Variants in ALG5 observed in about 807,000 individuals in gnomAD.
The protein encoded by ALG5 is ALG5 dolichyl-phosphate beta-glucosyltransferase.
ALG5 carries 26 observed loss-of-function variants against 51.8 expected under a neutral mutation model. The observed-to-expected ratio is 0.50, with a 90% CI of 0.37 to 0.70. ALG5 has a LOEUF of 0.70. ALG5 is among the 30% of genes least tolerant of loss of function. ALG5 has a pLI of 0.00. For synonymous variants in ALG5, 141 were observed against 136.1 expected, an observed-to-expected ratio of 1.04 and a Z score of -0.25; for missense variants, 311 against 399.3, an observed-to-expected ratio of 0.78 and a Z score of 1.88.
At chr13:36,972,140 G>T in intron 6 of ALG5, 104 bp from the exon 7 acceptor site, 1 of 984,052 alleles carries the variant, frequency 1.0e-6, no homozygotes, top group Non-Finnish European at 1.5e-6. Flanking sequence ...TTTTAAAAAA[G>T]TTGACATTAA....
chr13:36,958,357 A>C (rs1331819355), intron 8 of ALG5, among the ~76,000 whole-genome samples: 1 of 152,134 alleles, frequency 6.6e-6, no homozygotes, highest in Non-Finnish European at 1.5e-5. Flanking sequence ...ACTTCAGGCC[A>C]TACATTTCAA....
intron 8 of ALG5, among the ~76,000 whole-genome samples, chr13:36,959,667 C>A (rs1412135959): frequency 6.6e-6 from 1 of 152,056 alleles, no homozygotes; most frequent in Non-Finnish European, 1.5e-5. Flanking sequence ...AAAGACAATA[C>A]AGGAATGTTT....
chr13:36,965,544 C>G (rs746118832), intron 8 of ALG5, 31 bp downstream of exon 8: 2 of 1,600,624 alleles, frequency 1.2e-6, no homozygotes, highest in Non-Finnish European at 1.7e-6. Context: ...GGTCATAAGA[C>G]AGACTGGATA....
chr13:36,987,376 A>G (rs2059006670), intron 5 of ALG5, among the ~76,000 whole-genome samples: 2 of 152,018 alleles, frequency 1.3e-5, no homozygotes, highest in Non-Finnish European at 2.9e-5. Context: ...GTGATCCCCA[A>G]TGTTGGAGGT....
chr13:36,977,050 C>A (rs145549082), intron 6 of ALG5, among the ~76,000 whole-genome samples: 1,667 of 152,276 alleles, frequency 0.011, 24 homozygotes, highest in African/African-American at 0.038. Context: ...AAAAAACTTT[C>A]TTTTACAAAT....
intron 8 of ALG5, among the ~76,000 whole-genome samples, chr13:36,964,578 G>A (rs1467211878): frequency 1.3e-5 from 2 of 152,144 alleles, no homozygotes; most frequent in Non-Finnish European, 2.9e-5. Flanking sequence ...CTGCTGATGG[G>A]TTAAGTGTGA....
At chr13:36,980,707 C>T (rs1295264897) in intron 6 of ALG5, among the ~76,000 whole-genome samples, 1 of 151,800 alleles carries the variant, frequency 6.6e-6, no homozygotes, top group African/African-American at 2.4e-5. Context: ...GCGTGGTGGC[C>T]CATGCTCCTA....
At chr13:36,987,440 T>TGCAA (rs2059006985) in intron 5 of ALG5, among the ~76,000 whole-genome samples, 1 of 152,182 alleles carries the variant, frequency 6.6e-6, no homozygotes, top group Non-Finnish European at 1.5e-5. Flanking sequence ...ATGAACAGCT[T>TGCAA]GGTGCTGTCC....
intron 8 of ALG5, among the ~76,000 whole-genome samples, chr13:36,964,268 T>C (rs571135217): frequency 7.2e-5 from 11 of 152,136 alleles, no homozygotes; most frequent in Non-Finnish European, 1.2e-4. Flanking sequence ...CTAAAGACCA[T>C]GGGAAGCCCA....
Position 36,965,652 on chromosome 13 carries a change from C to G in ALG5, c.696G>C (p.Arg232Ser). The G allele has an allele frequency of 1.2e-6, 2 of 1,613,918 alleles. No individual in the cohort carries two copies. Among genetic ancestry groups the G allele is most frequent in the Non-Finnish European group, 1.7e-6 (2 of 1,179,886 alleles). Residue 232 changes from arginine (R) to serine (S), a missense_variant, in exon 8 of 10, where the codon AGG becomes AGC. Arg to Ser is a moderately radical substitution (Grantham distance 110, BLOSUM62 -1). Transcript: ENST00000239891. ...LVWFLCVKGI[R>S]DTQCGFKLFT... ...ATAATTTGAACCCACACTGTGTGTCCCTGATTCCTTTGACACAAAGGAACC... is the reference window on the plus strand; with the variant it reads ...ATAATTTGAACCCACACTGTGTGTCGCTGATTCCTTTGACACAAAGGAACC...
In ALG5 at chr13:36,949,879, A is replaced by T; in HGVS notation, c.*63T>A. On this transcript the variant is annotated 3_prime_UTR_variant, in exon 10 of 10. Transcript: ENST00000239891. ...TTATTTCAGCTTTACTTAAAATTTT[A>T]GTTTCAAATGAAATGAAATGTGACA... is the stretch of plus-strand genomic sequence containing the variant. The T allele has an allele frequency of 1.0e-6, 1 of 988,962 alleles. No individual in the cohort carries two copies. Among genetic ancestry groups the T allele is most frequent in the Non-Finnish European group, 1.5e-6 (1 of 680,362 alleles). 61.3% of individuals were successfully genotyped at this position (988,962 alleles called of 1,614,324 possible). A position where few individuals can be genotyped will look rare whatever the true frequency, so the allele number is the denominator to read the frequency against.
At position 36,977,990 on chromosome 13, in the gene ALG5, G is replaced by A. The variant is rs140839950; in HGVS notation, c.562-5954C>T. Among the ~76,000 whole-genome samples, 668 of 149,638 alleles carry A rather than the reference G, an allele frequency of 4.5e-3. 7 individuals carry two copies. Among genetic ancestry groups the A allele is most frequent in the African/African-American group, 0.016 (648 of 40,664 alleles). On this transcript the variant is annotated intron_variant, in intron 6 of 9. Transcript: ENST00000239891. ...CAACAACCACTTCCTGGGTTCAAGC[G>A]ATTCTCTTGCCTCAGCCTCCCGAGT...
At chr13:36,970,242 C>T (rs1157937521) in intron 7 of ALG5, among the ~76,000 whole-genome samples, 1 of 152,052 alleles carries the variant, frequency 6.6e-6, no homozygotes, top group Non-Finnish European at 1.5e-5. Flanking sequence ...AACAGATTAA[C>T]CTTTTTCAAA....
At chr13:36,967,734 G>A in intron 7 of ALG5, 1 of 899,662 alleles carries the variant, frequency 1.1e-6, no homozygotes, top group Non-Finnish European at 1.6e-6. Flanking sequence ...ACAACAGCTT[G>A]CTCAGTGCCT....
At chr13:36,992,377 A>G (rs1442307193) in intron 4 of ALG5, among the ~76,000 whole-genome samples, 2 of 152,238 alleles carry the variant, frequency 1.3e-5, no homozygotes, top group African/African-American at 4.8e-5. Flanking sequence ...GAATGGCACA[A>G]TACTTGAGAC....
At chr13:36,954,937 TA>T (rs1036375961) in intron 8 of ALG5, among the ~76,000 whole-genome samples, 1 of 151,670 alleles carries the variant, frequency 6.6e-6, no homozygotes, top group African/African-American at 2.4e-5. Context: ...ATAATAAAAA[TA>T]AAAAAAACCT....
chr13:36,962,098 G>A (rs1231909569), intron 8 of ALG5, among the ~76,000 whole-genome samples: 1 of 152,088 alleles, frequency 6.6e-6, no homozygotes, highest in Non-Finnish European at 1.5e-5. Flanking sequence ...GATACCAAAA[G>A]TCTTAATTTT....
intron 8 of ALG5, among the ~76,000 whole-genome samples, chr13:36,955,655 T>A (rs2058836122): frequency 8.7e-6 from 1 of 115,158 alleles, no homozygotes; most frequent in African/African-American, 3.4e-5. Flanking sequence ...CATCTGTTTG[T>A]AAGAGAGCAG....
intron 8 of ALG5, 21 bp downstream of exon 8, chr13:36,965,554 A>G (rs775966621): frequency 9.9e-6 from 16 of 1,608,452 alleles, no homozygotes; most frequent in Non-Finnish European, 1.4e-5. Flanking sequence ...CAGACTGGAT[A>G]CATTCCAGTC....
Sources: gnomAD v4.1 joint callset for allele counts (sites outside exome capture counted in the v4.1 genomes callset) on GRCh38, gnomAD v4.1.1 for gene constraint, MANE v1.5 for transcripts, NCBI Gene and HGNC (gene_info 2026-07-23, HGNC 2026-07-21) for gene names.